The following RELN variants were observed in gnomAD, a reference collection of about 807,000 sequenced individuals.
RELN encodes reelin.
Under a neutral mutation model 427.6 loss-of-function variants are expected in RELN, and 108 were observed. The observed-to-expected ratio is 0.25, with a 90% CI of 0.22 to 0.30. RELN has a LOEUF of 0.30. Ranked by LOEUF, RELN falls within the 10% of genes least tolerant of loss-of-function variation. RELN has a pLI of 1.00. For missense variants in RELN, 3,715 were observed against 4,302.8 expected (o/e 0.86, Z 3.82); for synonymous variants, 1,524 against 1,513.4 (o/e 1.01, Z -0.16).
At chr7:103,855,687 G>A (rs1034656598) in intron 2 of RELN, among the ~76,000 whole-genome samples, 3 of 152,142 alleles carry the variant, frequency 2.0e-5, no homozygotes, top group Admixed American at 1.3e-4. Context: ...ACATCAAGGT[G>A]TCAACAGGGT....
intron 1 of RELN, among the ~76,000 whole-genome samples, chr7:103,971,149 T>C (rs1458118940): frequency 7.8e-6 from 1 of 127,670 alleles, no homozygotes; most frequent in African/African-American, 3.4e-5. Flanking sequence ...TGAGACTCTA[T>C]CTCAAAAAAA....
intron 22 of RELN, among the ~76,000 whole-genome samples, chr7:103,607,968 T>C (rs1831857454): frequency 6.6e-6 from 1 of 152,242 alleles, no homozygotes; most frequent in African/African-American, 2.4e-5. Context: ...CGCAGGTACA[T>C]ACATTCAGTA....
intron 16 of RELN, among the ~76,000 whole-genome samples, chr7:103,645,138 A>G (rs1405877358): frequency 1.3e-5 from 2 of 151,830 alleles, no homozygotes; most frequent in Non-Finnish European, 3.0e-5. Flanking sequence ...TTCTAAACAT[A>G]GAAATTAAAG....
At chr7:103,513,109 C>T (rs143407767) in intron 50 of RELN, 4 of 152,196 alleles carry the variant, frequency 2.6e-5, no homozygotes, top group East Asian at 3.9e-4. Context: ...ATTTGAATTC[C>T]GATAAGAATA....
chr7:103,958,069 A>G (rs1165312812), intron 1 of RELN, among the ~76,000 whole-genome samples: 2 of 152,286 alleles, frequency 1.3e-5, no homozygotes, highest in South Asian at 2.1e-4. Flanking sequence ...CCTGAGCTAT[A>G]CAATGGGCAG....
chr7:103,983,682 A>G (rs1040148351), intron 1 of RELN, among the ~76,000 whole-genome samples: 3 of 152,234 alleles, frequency 2.0e-5, no homozygotes, highest in Non-Finnish European at 4.4e-5. Flanking sequence ...GAAAATACTT[A>G]GATAAGTCAA....
intron 2 of RELN, among the ~76,000 whole-genome samples, chr7:103,900,077 G>A (rs1342676631): frequency 2.0e-5 from 3 of 152,138 alleles, no homozygotes; most frequent in African/African-American, 7.2e-5. Flanking sequence ...ATCTCCTCAA[G>A]CTGATTAGCA....
intron 4 of RELN, among the ~76,000 whole-genome samples, chr7:103,776,063 G>C (rs1791731984): frequency 6.6e-6 from 1 of 152,176 alleles, no homozygotes; most frequent in Non-Finnish European, 1.5e-5. Context: ...ACATATATCT[G>C]ACATTATGTA....
At chr7:103,856,678 G>A (rs748915087) in intron 2 of RELN, among the ~76,000 whole-genome samples, 2 of 151,670 alleles carry the variant, frequency 1.3e-5, no homozygotes, top group Non-Finnish European at 2.9e-5. Context: ...ATAGGAGTAA[G>A]CATGGCTTTT....
chr7:103,635,112 G>A (rs1007847185), intron 19 of RELN, among the ~76,000 whole-genome samples: 2 of 152,060 alleles, frequency 1.3e-5, no homozygotes, highest in African/African-American at 4.8e-5. Context: ...GCCTGCCTCG[G>A]CCTCCCAAAC....
Position 103,618,895 on chromosome 7 carries a change from G to A in RELN, c.2703-7092C>T, listed in dbSNP as rs186401770. Among the ~76,000 whole-genome samples, 11 of 152,130 alleles carry A rather than the reference G, an allele frequency of 7.2e-5. 1 individual carries two copies. Among genetic ancestry groups the A allele is most frequent in the Admixed American group, 2.6e-4 (4 of 15,286 alleles). Reference sequence around the variant, plus strand: ...TGGGAGGCCGAGGTGGGCAGATCACGAGGTCAGGAGATCGAAACCATCCTG... The same window carrying A: ...TGGGAGGCCGAGGTGGGCAGATCACAAGGTCAGGAGATCGAAACCATCCTG... On this transcript the variant is annotated intron_variant, in intron 20 of 64. Transcript: ENST00000428762.
intron 1 of RELN, among the ~76,000 whole-genome samples, chr7:103,979,758 T>G (rs879398209): frequency 2.6e-5 from 4 of 152,158 alleles, no homozygotes; most frequent in Non-Finnish European, 5.9e-5. Flanking sequence ...ATAGATGAAC[T>G]TCAATAAATA....
At chr7:103,602,218 G>A (rs1446136347) in intron 24 of RELN, among the ~76,000 whole-genome samples, 3 of 152,118 alleles carry the variant, frequency 2.0e-5, no homozygotes, top group Non-Finnish European at 2.9e-5. Context: ...CCCTCATGAG[G>A]TAGACATTCC....
chr7:103,864,780 A>C (rs1794154765), intron 2 of RELN, among the ~76,000 whole-genome samples: 1 of 152,144 alleles, frequency 6.6e-6, no homozygotes, highest in Non-Finnish European at 1.5e-5. Context: ...GGCTTTTAAA[A>C]ATAAGTAAAA....
At chr7:103,730,051 G>C (rs949133628) in intron 6 of RELN, among the ~76,000 whole-genome samples, 5 of 152,088 alleles carry the variant, frequency 3.3e-5, no homozygotes, top group African/African-American at 1.2e-4. Flanking sequence ...TTTAGTGAGA[G>C]ATGAAGGTTA....
intron 20 of RELN, among the ~76,000 whole-genome samples, chr7:103,623,436 G>A (rs1182810526): frequency 6.6e-6 from 1 of 152,154 alleles, no homozygotes; most frequent in South Asian, 2.1e-4. Context: ...AAATTTACTT[G>A]GCTGTTATTC....
intron 6 of RELN, among the ~76,000 whole-genome samples, chr7:103,741,447 G>A (rs546061381): frequency 6.6e-6 from 1 of 151,992 alleles, no homozygotes; most frequent in African/African-American, 2.4e-5. Context: ...TGGGGACTCA[G>A]TTAAATAAAT....
At chr7:103,538,595 G>A (rs945559583) in intron 45 of RELN, among the ~76,000 whole-genome samples, 8 of 152,170 alleles carry the variant, frequency 5.3e-5, no homozygotes, top group Non-Finnish European at 8.8e-5. Flanking sequence ...ATCATTTGGG[G>A]GGATATAGAG....
Position 103,649,490 on chromosome 7 carries a change from T to C in RELN, c.2002+784A>G, listed in dbSNP as rs759372849. On this transcript the variant is annotated intron_variant, in intron 16 of 64. Transcript: ENST00000428762. ...ATTACGTTGTACTCTATTTGGGTGA[T>C]AGTTACACTAAAAGTCCAGACTTCA... 4.9e-4 allele frequency among the ~76,000 whole-genome samples: 75 copies of C among 152,092 alleles called. No individual in the cohort carries two copies. In the Middle Eastern group the frequency reaches 0.01, roughly 21 times the overall value.
Sources: gnomAD v4.1 joint callset for allele counts (sites outside exome capture counted in the v4.1 genomes callset) on GRCh38, gnomAD v4.1.1 for gene constraint, MANE v1.5 for transcripts, NCBI Gene and HGNC (gene_info 2026-07-23, HGNC 2026-07-21) for gene names.